The following CEP83 variants were observed in gnomAD, a reference collection of about 807,000 sequenced individuals.
The protein encoded by CEP83 is centrosomal protein 83.
In CEP83, 70 loss-of-function variants were observed where a neutral mutation model predicts 101.9. The ratio of observed to expected loss-of-function variants is 0.69; its 90% CI spans 0.57 to 0.84. The LOEUF is 0.84. CEP83 is among the 40% of genes least tolerant of loss of function. CEP83 has a pLI of 0.00. For synonymous variants in CEP83, 264 were observed against 267.9 expected, an observed-to-expected ratio of 0.99 and a Z score of 0.14; for missense variants, 715 against 787.2, an observed-to-expected ratio of 0.91 and a Z score of 1.10.
chr12:94,356,061 G>A (rs1465472696), intron 11 of CEP83, among the ~76,000 whole-genome samples: 1 of 151,926 alleles, frequency 6.6e-6, no homozygotes, highest in African/African-American at 2.4e-5. Context: ...CCCCTACCAA[G>A]CCTGTCTCGG....
chr12:94,279,433 T>C, the CEP83 span: 5 of 1,568,964 alleles, frequency 3.2e-6, no homozygotes, highest in Admixed American at 1.8e-5. Flanking sequence ...CAGATTGCAA[T>C]TATCTAATAG....
chr12:94,277,535 C>T, the CEP83 span, among the ~76,000 whole-genome samples: 11 of 152,256 alleles, frequency 7.2e-5, no homozygotes, highest in South Asian at 2.3e-3. Context: ...GATGAGAAAG[C>T]GACATACACA....
intron 11 of CEP83, among the ~76,000 whole-genome samples, chr12:94,347,063 A>ATATATATATATATG (rs1281037952): frequency 6.9e-5 from 10 of 144,516 alleles, no homozygotes; most frequent in African/African-American, 2.5e-4. Flanking sequence ...ATATATATAT[A>ATATATATATATATG]TATATACACA....
chr12:94,356,070 G>A (rs573186685), intron 11 of CEP83, among the ~76,000 whole-genome samples: 47 of 152,244 alleles, frequency 3.1e-4, no homozygotes, highest in Admixed American at 7.9e-4. Flanking sequence ...AGCCTGTCTC[G>A]GCAAGTGGCG....
intron 6 of CEP83, among the ~76,000 whole-genome samples, chr12:94,391,229 A>G (rs574885116): frequency 6.6e-6 from 1 of 152,310 alleles, no homozygotes; most frequent in East Asian, 1.9e-4. Context: ...GGCAGAGAGA[A>G]AGGTTGAGTT....
intron 2 of CEP83, among the ~76,000 whole-genome samples, chr12:94,426,022 T>C (rs2065172276): frequency 6.6e-6 from 1 of 151,268 alleles, no homozygotes; most frequent in African/African-American, 2.4e-5. Context: ...CTCGGGAGGC[T>C]GAGGCAGGAG....
At chr12:94,419,269 TTAA>T (rs762202866) in intron 2 of CEP83, among the ~76,000 whole-genome samples, 1 of 152,100 alleles carries the variant, frequency 6.6e-6, no homozygotes, top group Non-Finnish European at 1.5e-5. Flanking sequence ...AAAGACATTC[TTAA>T]TAATATAAAA....
At chr12:94,289,094 A>C in the CEP83 span, among the ~76,000 whole-genome samples, 1 of 152,222 alleles carries the variant, frequency 6.6e-6, no homozygotes, top group Admixed American at 6.5e-5. Context: ...TCAACCTTAC[A>C]TTTCTAGAAA....
chr12:94,448,565 T>C (rs1050117869), intron 1 of CEP83, among the ~76,000 whole-genome samples: 8 of 152,032 alleles, frequency 5.3e-5, no homozygotes, highest in South Asian at 2.1e-4. Flanking sequence ...ATTTAAAAGA[T>C]TGAACTCATA....
the CEP83 span, among the ~76,000 whole-genome samples, chr12:94,291,738 T>C: frequency 6.6e-6 from 1 of 152,216 alleles, no homozygotes; most frequent in Non-Finnish European, 1.5e-5. Context: ...GATCTGTCTA[T>C]ATAAATTTGC....
the CEP83 span, among the ~76,000 whole-genome samples, chr12:94,284,087 G>GAAAAA: frequency 1.9e-3 from 161 of 82,608 alleles, no homozygotes; most frequent in East Asian, 3.4e-3. Flanking sequence ...CATGTCAGGG[G>GAAAAA]AAAAAAAAAA....
At chr12:94,412,212 A>T in intron 3 of CEP83, 106 bp downstream of exon 3, 1 of 910,218 alleles carries the variant, frequency 1.1e-6, no homozygotes, top group Non-Finnish European at 1.6e-6. Context: ...AAATGTATAC[A>T]TTGCAAAATA....
At chr12:94,376,688 TATACACACACAC>T (rs1406581623) in intron 7 of CEP83, among the ~76,000 whole-genome samples, 10 of 87,502 alleles carry the variant, frequency 1.1e-4, no homozygotes, top group African/African-American at 5.0e-4. Context: ...TATATACATA[TATACACACACAC>T]ACACACACAC....
intron 15 of CEP83, among the ~76,000 whole-genome samples, chr12:94,311,171 T>G (rs974244654): frequency 3.3e-5 from 5 of 152,204 alleles, no homozygotes; most frequent in Non-Finnish European, 5.9e-5. Flanking sequence ...TCAGAGAGCT[T>G]CTGGGTTGCT....
chr12:94,358,020 T>C (rs1412324391), intron 11 of CEP83, among the ~76,000 whole-genome samples: 1 of 152,172 alleles, frequency 6.6e-6, no homozygotes, highest in Non-Finnish European at 1.5e-5. Context: ...GAAAGAAATG[T>C]AAAGGTTTGG....
chr12:94,267,354 A>G, the CEP83 span, among the ~76,000 whole-genome samples: 2 of 152,192 alleles, frequency 1.3e-5, no homozygotes, highest in Non-Finnish European at 2.9e-5. Context: ...TCATTTCGAA[A>G]CATTATTTAT....
chr12:94,401,663 T>C (rs1238664903), intron 5 of CEP83, among the ~76,000 whole-genome samples: 1 of 152,190 alleles, frequency 6.6e-6, no homozygotes. Flanking sequence ...TCTCCTAAAA[T>C]ACCCAGCTCA....
intron 4 of CEP83, among the ~76,000 whole-genome samples, chr12:94,408,404 G>T (rs956722035): frequency 6.6e-6 from 1 of 152,072 alleles, no homozygotes; most frequent in African/African-American, 2.4e-5. Context: ...ATGGGAACCT[G>T]TATACTAGGT....
At chr12:94,428,785 G>T (rs1034434220) in intron 2 of CEP83, among the ~76,000 whole-genome samples, 1 of 152,154 alleles carries the variant, frequency 6.6e-6, no homozygotes, top group Non-Finnish European at 1.5e-5. Flanking sequence ...TACAGTAAAA[G>T]GGTTTTGAGA....
Sources: allele counts gnomAD v4.1 joint callset (sites outside exome capture counted in the v4.1 genomes callset), GRCh38; gene constraint gnomAD v4.1.1; transcripts MANE v1.5; gene names NCBI Gene and HGNC (gene_info 2026-07-23, HGNC 2026-07-21).